The following TTC39A variants were observed in gnomAD, a reference collection of about 807,000 sequenced individuals.
TTC39A encodes the protein tetratricopeptide repeat domain 39A.
A neutral mutation model predicts 82.3 loss-of-function variants in TTC39A; 46 were observed. The observed-to-expected ratio is 0.56, with a 90% confidence interval of 0.44 to 0.71. TTC39A has a LOEUF of 0.71. Ranked by LOEUF, TTC39A falls within the 30% of genes least tolerant of loss-of-function variation. TTC39A has a pLI of 0.00. For missense variants in TTC39A, 543 were observed against 712.9 expected (o/e 0.76, Z 2.71); for synonymous variants, 254 against 275.2 (o/e 0.92, Z 0.76).
upstream of TTC39A, among the ~76,000 whole-genome samples, chr1:51,333,815 T>G (rs1477537574): frequency 1.1e-4 from 17 of 152,208 alleles, no homozygotes; most frequent in Non-Finnish European, 4.4e-5. Flanking sequence ...TCTCAGGGCC[T>G]GACATCAGGT....
chr1:51,322,548 A>ACTGGATAATATCCAGTACAAAGTACT (rs1645566507), intron 1 of TTC39A, among the ~76,000 whole-genome samples: 1 of 151,346 alleles, frequency 6.6e-6, no homozygotes, highest in African/African-American at 2.4e-5. Flanking sequence ...AGTACAAAGT[A>ACTGGATAATATCCAGTACAAAGTACT]GGCTTTTAAT....
At chr1:51,317,404 G>A (rs1230250455) in intron 2 of TTC39A, among the ~76,000 whole-genome samples, 1 of 152,214 alleles carries the variant, frequency 6.6e-6, no homozygotes, top group African/African-American at 2.4e-5. Context: ...TGTCACAGGT[G>A]GTCTGGGGGT....
chr1:51,302,722 A>G, intron 9 of TTC39A, 149 bp from the exon 10 acceptor site: 1 of 893,390 alleles, frequency 1.1e-6, no homozygotes, highest in Non-Finnish European at 1.8e-6. Flanking sequence ...TGACATGAGG[A>G]TTAAATAAGG....
chr1:51,312,321 G>A, intron 3 of TTC39A, 126 bp from the exon 4 acceptor site: 1 of 964,490 alleles, frequency 1.0e-6, no homozygotes, highest in Non-Finnish European at 1.5e-6. Flanking sequence ...CACAGGCTTA[G>A]AGGTCAAACA....
At position 51,290,072 on chromosome 1, in the gene TTC39A, C is replaced by T. The variant is rs1322106203; in HGVS notation, c.1426G>A (p.Gly476Ser). 1 of 1,613,978 alleles carries T rather than the reference C, an allele frequency of 6.2e-7. No homozygotes were observed. Among genetic ancestry groups the T allele is most frequent in the Admixed American group, 1.7e-5 (1 of 60,012 alleles). Reference protein sequence around the residue: ...DDECLVKLLKGLCLKYLGRVQ... With the variant: ...DDECLVKLLKSLCLKYLGRVQ... ...CGGCCCAGGTATTTCAGACACAGGC[C>T]TTTCAACAATTTCACCAAGCACTCG... Residue 476 changes from glycine (G) to serine (S), a missense_variant, in exon 16 of 18, where the codon GGC becomes AGC. Transcript: ENST00000680483.
Position 51,301,647 on chromosome 1 carries a change from GCAC to G in TTC39A, c.975_977del (p.Trp325del). The stretch of plus-strand genomic sequence containing the variant: ...TCTTCCACTGGCCCTTGTAGGTGAA[GCAC>G]CACATCAGCTCCCAGTAGCACATGT... On this transcript the variant is annotated inframe_deletion, in exon 12 of 18. Transcript: ENST00000680483. The G allele has an allele frequency of 6.2e-7, 1 of 1,613,892 alleles. No individual in the cohort carries two copies.
chr1:51,303,199 G>T lies in TTC39A; in HGVS notation c.655-7C>A. ...GCTGCAGCAGCCCATAGTCCTGAGG[G>T]GATGGGAGGGTGGGTGAGGCTCCCA... On this transcript the variant is annotated splice_polypyrimidine_tract_variant and splice_region_variant and intron_variant, in intron 8 of 17. Transcript: ENST00000680483. The T allele has an allele frequency of 3.9e-6, 6 of 1,526,624 alleles. No homozygotes were observed. The highest frequency in any genetic ancestry group is 5.3e-6 in the Non-Finnish European group (6 of 1,122,574). 94.6% of individuals were successfully genotyped at this position (1,526,624 alleles called of 1,614,324 possible). A position where few individuals can be genotyped will look rare whatever the true frequency, so the allele number is the denominator to read the frequency against.
chr1:51,320,469 G>T (rs1265075816), intron 2 of TTC39A, among the ~76,000 whole-genome samples: 1 of 131,754 alleles, frequency 7.6e-6, no homozygotes, highest in Non-Finnish European at 1.5e-5. Context: ...CCCCATGCTG[G>T]AGTGCAGTGG....
At position 51,294,209 on chromosome 1, in the gene TTC39A, CCA is replaced by C. The variant is rs1644326419; in HGVS notation, c.1266+180_1266+181del. Among the ~76,000 whole-genome samples, 1 of 152,144 alleles carries C rather than the reference CCA, an allele frequency of 6.6e-6. No homozygotes were observed. Among genetic ancestry groups the C allele is most frequent in the Non-Finnish European group, 1.5e-5 (1 of 68,020 alleles). ...CCTGCCTGTCTCTCCACTCTCAGCC[CCA>C]ATGGACCCTCTCTAAGGGGCAGGGG... On this transcript the variant is annotated intron_variant, in intron 14 of 17. Transcript: ENST00000680483. This position sits in a 1 kb window ranked among gnomAD's most constrained non-coding sequence, Gnocchi z 4.3.
chr1:51,288,754 GCT>G lies in TTC39A; in HGVS notation c.1610+83_1610+84del. On this transcript the variant is annotated intron_variant, in intron 17 of 17. Transcript: ENST00000680483. The surrounding 1 kb of genome is among the most constrained non-coding windows in gnomAD (Gnocchi z 4.8). ...GGCCTTGCTAGCAACTCCACTCACTGCTCTCTGGGCAACTCTGTCCCCAGCCA... is the reference window on the plus strand; with the variant it reads ...GGCCTTGCTAGCAACTCCACTCACTGCTCTGGGCAACTCTGTCCCCAGCCA... 3.0e-6 allele frequency: 4 copies of G among 1,318,416 alleles called. No homozygotes were observed. In the South Asian group the frequency reaches 5.2e-5, roughly 17 times the overall value. 81.7% of individuals were successfully genotyped at this position (1,318,416 alleles called of 1,614,324 possible).
At chr1:51,324,508 T>G (rs1165305193) in intron 1 of TTC39A, among the ~76,000 whole-genome samples, 1 of 152,100 alleles carries the variant, frequency 6.6e-6, no homozygotes, top group Non-Finnish European at 1.5e-5. Flanking sequence ...AGTTCAGGAA[T>G]GTACTGAATT....
intron 1 of TTC39A, among the ~76,000 whole-genome samples, chr1:51,324,463 G>A (rs936956325): frequency 2.6e-5 from 4 of 152,106 alleles, no homozygotes; most frequent in Admixed American, 6.5e-5. Flanking sequence ...CTCTCTTCAC[G>A]CTTGGCTGGA....
At chr1:51,319,890 C>T (rs914722821) in intron 2 of TTC39A, among the ~76,000 whole-genome samples, 12 of 151,938 alleles carry the variant, frequency 7.9e-5, no homozygotes, top group African/African-American at 2.2e-4. Flanking sequence ...GAGGTTTCAC[C>T]ACGTTGGCCG....
At chr1:51,340,718 G>A (rs1416262420) in intron 1 of TTC39A, among the ~76,000 whole-genome samples, 2 of 152,194 alleles carry the variant, frequency 1.3e-5, no homozygotes, top group East Asian at 1.9e-4. Context: ...GCAGCATGCC[G>A]TGCAGTGCTT....
intron 6 of TTC39A, 102 bp downstream of exon 6, chr1:51,309,159 C>T (rs368748302): frequency 4.9e-6 from 7 of 1,426,134 alleles, no homozygotes; most frequent in African/African-American, 1.5e-5. Context: ...GTTCTGGCCT[C>T]GGTTAGTACT....
At chr1:51,296,475 G>A (rs1281738444) in intron 12 of TTC39A, among the ~76,000 whole-genome samples, 1 of 152,236 alleles carries the variant, frequency 6.6e-6, no homozygotes, top group Non-Finnish European at 1.5e-5. Context: ...CGGGGCTTCC[G>A]GGAAGCAACA....
chr1:51,314,837 G>A (rs1357475758), intron 2 of TTC39A, among the ~76,000 whole-genome samples: 1 of 152,218 alleles, frequency 6.6e-6, no homozygotes, highest in African/African-American at 2.4e-5. Context: ...CCTGCGGAAG[G>A]AAAACCTTAA....
intron 6 of TTC39A, 49 bp from the exon 7 acceptor site, chr1:51,306,125 G>T (rs1225251673): frequency 7.3e-5 from 105 of 1,431,468 alleles, no homozygotes; most frequent in Non-Finnish European, 9.2e-5. Flanking sequence ...GGGGTGGGGG[G>T]TAGGGGCTGG....
At chr1:51,296,311 A>G in intron 12 of TTC39A, 141 bp from the exon 13 acceptor site, 1 of 793,718 alleles carries the variant, frequency 1.3e-6, no homozygotes, top group East Asian at 2.7e-5. Flanking sequence ...GAAGGTAAGA[A>G]GCTGAAGCAA....
Sources: allele counts gnomAD v4.1 joint callset (sites outside exome capture counted in the v4.1 genomes callset), GRCh38; gene constraint gnomAD v4.1.1; non-coding constraint Gnocchi (gnomAD v3.1); transcripts MANE v1.5; gene names NCBI Gene and HGNC (gene_info 2026-07-23, HGNC 2026-07-21).